Variants in RALYL observed in about 807,000 individuals in gnomAD.
RALYL encodes the protein RALY RNA binding protein like.
In RALYL, 29 loss-of-function variants were observed where a neutral mutation model predicts 35.1. That is an observed-to-expected ratio of 0.83 (90% CI 0.61 to 1.13). The LOEUF is 1.13. Ranked by LOEUF, RALYL falls within the 50% of genes most tolerant of loss-of-function variation. The pLI, the probability that RALYL is intolerant of heterozygous loss-of-function variation, is 0.00. For missense variants in RALYL, 359 were observed against 360.4 expected, an observed-to-expected ratio of 1.00 and a Z score of 0.03; for synonymous variants, 120 against 127.6, an observed-to-expected ratio of 0.94 and a Z score of 0.40.
intron 2 of RALYL, among the ~76,000 whole-genome samples, chr8:84,576,183 T>A (rs954898872): frequency 3.3e-5 from 5 of 152,190 alleles, no homozygotes; most frequent in African/African-American, 1.2e-4. Context: ...ACATTAAAAC[T>A]GTATTTTGGA....
At chr8:84,374,627 A>G (rs1186280900) in intron 1 of RALYL, among the ~76,000 whole-genome samples, 4 of 152,064 alleles carry the variant, frequency 2.6e-5, no homozygotes, top group Non-Finnish European at 5.9e-5. Context: ...CAAGTATTGC[A>G]TGTTCTCACT....
rs1448854626 is a variant in RALYL, at chr8:84,807,722, C to T, written c.365+2920C>T. The stretch of plus-strand genomic sequence containing the variant: ...TTATGGCCATTTTTGCAGAAGTAAG[C>T]TAGTATTGCATTATGGTTTTGATTT... On this transcript the variant is annotated intron_variant, in intron 4 of 8. Transcript: ENST00000521268. 3.9e-5 allele frequency among the ~76,000 whole-genome samples: 6 copies of T among 152,080 alleles called. 1 individual carries two copies. The East Asian group carries it at 1.2e-3, about 29-fold the overall frequency.
Position 84,889,233 on chromosome 8 carries a change from A to T in RALYL, c.858+1457A>T, listed in dbSNP as rs546222334. 2.3e-3 allele frequency among the ~76,000 whole-genome samples: 355 copies of T among 152,322 alleles called. 3 individuals are homozygous for T. The highest frequency in any genetic ancestry group is 8.1e-3 in the African/African-American group (338 of 41,564). On this transcript the variant is annotated intron_variant, in intron 8 of 8. Transcript: ENST00000521268. ...GCTTCTCCTTAGGCAGGACTACATG[A>T]TTCAGCAGGACTAATTCGACAACAT...
intron 1 of RALYL, among the ~76,000 whole-genome samples, chr8:84,482,371 A>C (rs2054139145): frequency 6.6e-6 from 1 of 152,104 alleles, no homozygotes; most frequent in Non-Finnish European, 1.5e-5. Flanking sequence ...ATTTAGCACA[A>C]CCAATTTTAT....
chr8:84,479,227 G>A (rs1030199040), intron 1 of RALYL, among the ~76,000 whole-genome samples: 13 of 146,122 alleles, frequency 8.9e-5, no homozygotes, highest in Non-Finnish European at 1.8e-4. Context: ...TGCTTTTCCC[G>A]AAGATTCTGT....
At chr8:84,322,196 TA>T (rs1247342222) in intron 1 of RALYL, among the ~76,000 whole-genome samples, 2 of 152,044 alleles carry the variant, frequency 1.3e-5, no homozygotes, top group Admixed American at 6.6e-5. Flanking sequence ...TTATAGAATA[TA>T]AAACAGCAGA....
intron 1 of RALYL, among the ~76,000 whole-genome samples, chr8:84,479,077 C>T (rs1257864327): frequency 1.3e-5 from 1 of 78,332 alleles, no homozygotes; most frequent in Admixed American, 2.1e-4. Flanking sequence ...CAGAGCAAGA[C>T]TCCGTCTCAA....
chr8:84,323,637 G>A (rs758087093), intron 1 of RALYL, among the ~76,000 whole-genome samples: 1 of 151,940 alleles, frequency 6.6e-6, no homozygotes, highest in Non-Finnish European at 1.5e-5. Context: ...CACATCAGTA[G>A]GTAAAGGCAC....
chr8:84,359,782 T>C (rs1483377956), intron 1 of RALYL, among the ~76,000 whole-genome samples: 1 of 152,112 alleles, frequency 6.6e-6, no homozygotes, highest in East Asian at 1.9e-4. Flanking sequence ...TTTGCATGTA[T>C]ACCTACTAGA....
chr8:84,349,041 A>G (rs927897007), intron 1 of RALYL, among the ~76,000 whole-genome samples: 2 of 150,224 alleles, frequency 1.3e-5, no homozygotes, highest in Non-Finnish European at 3.0e-5. Flanking sequence ...AAGGCTTGGG[A>G]CAAGTGTGCC....
chr8:84,784,331 A>G (rs1402002152), intron 3 of RALYL, among the ~76,000 whole-genome samples: 5 of 152,224 alleles, frequency 3.3e-5, no homozygotes, highest in Non-Finnish European at 7.3e-5. Flanking sequence ...AGAAGAAGAA[A>G]TGAATATTAA....
intron 1 of RALYL, among the ~76,000 whole-genome samples, chr8:84,220,941 A>G (rs562947812): frequency 4.6e-5 from 7 of 152,082 alleles, no homozygotes; most frequent in South Asian, 4.1e-4. Flanking sequence ...ATTTTTACCA[A>G]TATATTTATA....
At chr8:84,865,481 A>AAATG (rs1280672456) in intron 6 of RALYL, among the ~76,000 whole-genome samples, 1 of 152,218 alleles carries the variant, frequency 6.6e-6, no homozygotes, top group Non-Finnish European at 1.5e-5. Flanking sequence ...AATTTACCAA[A>AAATG]AATGAATACT....
chr8:84,474,956 C>T (rs747341383), intron 1 of RALYL, among the ~76,000 whole-genome samples: 1 of 145,144 alleles, frequency 6.9e-6, no homozygotes, highest in Non-Finnish European at 1.5e-5. Context: ...TACATGGGCA[C>T]AATGTGCAGG....
At chr8:84,221,679 T>A (rs1361698745) in intron 1 of RALYL, among the ~76,000 whole-genome samples, 2 of 151,944 alleles carry the variant, frequency 1.3e-5, no homozygotes, top group Non-Finnish European at 2.9e-5. Flanking sequence ...ATACTAGGAG[T>A]CCACGTGATA....
At chr8:84,920,683 C>A (rs144243960) in intron 8 of RALYL, among the ~76,000 whole-genome samples, 1 of 151,704 alleles carries the variant, frequency 6.6e-6, no homozygotes, top group Non-Finnish European at 1.5e-5. Context: ...TAAAAAAAAT[C>A]GTAACATTCC....
chr8:84,270,321 A>G (rs759953550), intron 1 of RALYL, among the ~76,000 whole-genome samples: 6 of 152,230 alleles, frequency 3.9e-5, no homozygotes, highest in Non-Finnish European at 8.8e-5. Flanking sequence ...TATAAGATAC[A>G]AGCTTCAAAG....
chr8:84,369,202 G>A (rs1240346408), intron 1 of RALYL, among the ~76,000 whole-genome samples: 1 of 152,086 alleles, frequency 6.6e-6, no homozygotes, highest in Non-Finnish European at 1.5e-5. Flanking sequence ...GAGCAGCCCT[G>A]ATTATTTACT....
chr8:84,412,990 G>A (rs943086554), intron 1 of RALYL, among the ~76,000 whole-genome samples: 4 of 151,844 alleles, frequency 2.6e-5, no homozygotes, highest in Non-Finnish European at 1.5e-5. Flanking sequence ...AGGAAGCAAA[G>A]AGAAAGAATG....
Sources: allele counts gnomAD v4.1 joint callset (sites outside exome capture counted in the v4.1 genomes callset), GRCh38; gene constraint gnomAD v4.1.1; transcripts MANE v1.5; gene names NCBI Gene and HGNC (gene_info 2026-07-23, HGNC 2026-07-21).